PIK3CA: variants seen among roughly 807,000 people sequenced by gnomAD.
The protein encoded by PIK3CA is phosphatidylinositol 4,5-bisphosphate 3-kinase catalytic subunit alpha isoform.
A neutral mutation model predicts 138.2 loss-of-function variants in PIK3CA; 27 were observed. The observed-to-expected ratio is 0.20, with a 90% CI of 0.14 to 0.27. PIK3CA has a LOEUF of 0.27. PIK3CA is among the 10% of genes least tolerant of loss of function. The pLI is 1.00. For synonymous variants in PIK3CA, 358 were observed against 413.2 expected (o/e 0.87, Z 1.62); for missense variants, 544 against 1,277.4 (o/e 0.43, Z 8.75).
chr3:179,201,485 A>C lies in PIK3CA; in HGVS notation c.758A>C (p.Lys253Thr). ...VLEYQGKYIL[K>T]VCGCDEYFLE... The stretch of plus-strand genomic sequence containing the variant: ...GAATATCAGGGCAAGTATATTTTAA[A>C]AGTGTGTGGATGTGATGAATACTTC... The change falls in exon 4 of 21, where the codon AAA (lysine) becomes ACA (threonine). Residue 253 changes from lysine (K) to threonine (T), a missense_variant. Physicochemically the swap from Lys to Thr is moderately conservative, Grantham distance 78. Coordinates refer to ENST00000263967, the MANE Select transcript of PIK3CA (RefSeq NM_006218.4). 6.2e-7 allele frequency: 1 copy of C among 1,611,778 alleles called. No individual in the cohort carries two copies. Among genetic ancestry groups the C allele is most frequent in the Non-Finnish European group, 8.5e-7 (1 of 1,177,936 alleles).
At chr3:179,150,202 T>TGTGTGTGTG (rs202133178) in intron 1 of PIK3CA, among the ~76,000 whole-genome samples, 3 of 148,074 alleles carry the variant, frequency 2.0e-5, no homozygotes, top group African/African-American at 5.0e-5. Flanking sequence ...TGTGTGTGTG[T>TGTGTGTGTG]TGGTATTTTG....
At chr3:179,209,524 G>T in intron 6 of PIK3CA, 71 bp from the exon 7 acceptor site, 2 of 805,484 alleles carry the variant, frequency 2.5e-6, no homozygotes, top group African/African-American at 1.8e-5. Context: ...TTCGTGATTT[G>T]TAGGAGTCAT....
chr3:179,154,417 C>CTTA (rs36041707), intron 1 of PIK3CA, among the ~76,000 whole-genome samples: 12,985 of 152,162 alleles, frequency 0.085, 591 homozygotes, highest in African/African-American at 0.11. Flanking sequence ...TAATGAGAAT[C>CTTA]TAATGCCTGA....
chr3:179,225,847 C>A, intron 16 of PIK3CA, 115 bp from the exon 17 acceptor site: 1 of 561,956 alleles, frequency 1.8e-6, no homozygotes, highest in Non-Finnish European at 3.3e-6. Flanking sequence ...CCTGAAGTTT[C>A]TTTTGAAGAG....
intron 15 of PIK3CA, 64 bp from the exon 16 acceptor site, chr3:179,224,636 T>TCC (rs1725042106): frequency 2.1e-5 from 23 of 1,100,492 alleles, no homozygotes; most frequent in Non-Finnish European, 2.8e-5. Context: ...TATTTTAAAA[T>TCC]AAATTTCAGG....
At chr3:179,224,041 A>C (rs866006614) in intron 14 of PIK3CA, 40 bp from the exon 15 acceptor site, 4 of 1,078,294 alleles carry the variant, frequency 3.7e-6, no homozygotes, top group Middle Eastern at 4.0e-4. Flanking sequence ...TCTTTTATTA[A>C]GTCAGTTTCT....
chr3:179,203,465 G>A lies in PIK3CA; in HGVS notation c.814-79G>A, dbSNP rs551773021. ...TTTTATCACCTTTGCAGATTAATAT[G>A]TAGTCATAATACTCTGACATGTTAC... On this transcript the variant is annotated intron_variant, in intron 4 of 20. Coordinates refer to ENST00000263967, the MANE Select transcript of PIK3CA (RefSeq NM_006218.4). 6.0e-6 allele frequency: 8 copies of A among 1,341,996 alleles called. No homozygotes were observed. The African/African-American group carries it at 7.3e-5, about 12-fold the overall frequency. The allele number at this position is 1,341,996 out of a possible 1,614,324, so 83.1% of individuals were successfully genotyped here. A position where few individuals can be genotyped will look rare whatever the true frequency, so the allele number is the denominator to read the frequency against.
Position 179,210,521 on chromosome 3 carries a change from T to A in PIK3CA, c.1495T>A (p.Ser499Thr), listed in dbSNP as rs2108401589. 1 of 1,614,044 alleles carries A rather than the reference T, an allele frequency of 6.2e-7. No individual in the cohort carries two copies. The highest frequency in any genetic ancestry group is 8.5e-7 in the Non-Finnish European group (1 of 1,179,940). ...AGTGATTGAAGAGCATGCCAATTGG[T>A]CTGTATCCCGAGAAGCAGGATTTAG... Reference protein sequence around the residue: ...MSVIEEHANWSVSREAGFSYS... With the variant: ...MSVIEEHANWTVSREAGFSYS... The change falls in exon 9 of 21, where the codon TCT (serine) becomes ACT (threonine). Residue 499 changes from serine to threonine, a missense_variant. Ser to Thr is a moderately conservative substitution (Grantham distance 58). Coordinates refer to ENST00000263967, the MANE Select transcript of PIK3CA (RefSeq NM_006218.4).
At chr3:179,187,553 A>G (rs1164576594) in intron 1 of PIK3CA, among the ~76,000 whole-genome samples, 75 of 151,044 alleles carry the variant, frequency 5.0e-4, no homozygotes, top group Non-Finnish European at 2.5e-4. Context: ...AAAAAAAAAA[A>G]AAAAGAGAGA....
chr3:179,208,447 A>T (rs1170872160), intron 6 of PIK3CA, among the ~76,000 whole-genome samples: 1 of 152,202 alleles, frequency 6.6e-6, no homozygotes, highest in Non-Finnish European at 1.5e-5. Flanking sequence ...GATAGTTATC[A>T]ACCTTATGAG....
intron 1 of PIK3CA, among the ~76,000 whole-genome samples, chr3:179,167,893 G>A (rs906919121): frequency 2.0e-5 from 3 of 151,326 alleles, no homozygotes; most frequent in Admixed American, 1.3e-4. Flanking sequence ...TTTTTCTATT[G>A]TGAAAACCAT....
chr3:179,203,864 T>C, intron 5 of PIK3CA, 75 bp downstream of exon 5: 1 of 1,010,982 alleles, frequency 9.9e-7, no homozygotes, highest in East Asian at 2.4e-5. Flanking sequence ...TATACAGTAA[T>C]CTGTTGACCT....
chr3:179,154,550 G>C (rs913191964), intron 1 of PIK3CA, among the ~76,000 whole-genome samples: 2 of 152,124 alleles, frequency 1.3e-5, no homozygotes, highest in Non-Finnish European at 2.9e-5. Flanking sequence ...ACTGGCCTAA[G>C]GGACTAAATT....
At chr3:179,195,366 T>C (rs1346086083) in intron 1 of PIK3CA, among the ~76,000 whole-genome samples, 1 of 152,224 alleles carries the variant, frequency 6.6e-6, no homozygotes, top group Non-Finnish European at 1.5e-5. Context: ...TTTACAAGTT[T>C]ATTGCTAATG....
At chr3:179,207,967 T>TATAA (rs1724612460) in intron 6 of PIK3CA, among the ~76,000 whole-genome samples, 1 of 152,276 alleles carries the variant, frequency 6.6e-6, no homozygotes, top group Middle Eastern at 3.4e-3. Flanking sequence ...AGAGGATCAC[T>TATAA]TGAGCCCAGG....
intron 1 of PIK3CA, among the ~76,000 whole-genome samples, chr3:179,169,605 T>C (rs188087286): frequency 2.6e-4 from 39 of 152,348 alleles, no homozygotes; most frequent in African/African-American, 9.4e-4. Flanking sequence ...TTTTTCCCTA[T>C]ACAAAATTGC....
At position 179,164,819 on chromosome 3, in the gene PIK3CA, A is replaced by G. The variant is rs1181284978; in HGVS notation, c.-77+16216A>G. ...AGGAGGCGGAGGTAGCAGTGAGCCA[A>G]GATTGCGCCATTGTACTCCAGCCTG... is the stretch of plus-strand genomic sequence containing the variant. On this transcript the variant is annotated intron_variant, in intron 1 of 20. Coordinates refer to ENST00000263967, the MANE Select transcript of PIK3CA (RefSeq NM_006218.4). 2.0e-5 allele frequency among the ~76,000 whole-genome samples: 3 copies of G among 152,236 alleles called. No homozygotes were observed. In the South Asian group the frequency reaches 6.2e-4, roughly 32 times the overall value.
At chr3:179,151,682 G>A (rs1723017434) in intron 1 of PIK3CA, among the ~76,000 whole-genome samples, 1 of 152,108 alleles carries the variant, frequency 6.6e-6, no homozygotes, top group Admixed American at 6.6e-5. Context: ...TCTTTCTCTA[G>A]GTTTATTTCT....
At chr3:179,192,022 T>C (rs1724149532) in intron 1 of PIK3CA, among the ~76,000 whole-genome samples, 1 of 152,246 alleles carries the variant, frequency 6.6e-6, no homozygotes, top group Non-Finnish European at 1.5e-5. Flanking sequence ...CTGCATATTT[T>C]AAAGTAGTTA....
Sources: allele counts gnomAD v4.1 joint callset (sites outside exome capture counted in the v4.1 genomes callset), GRCh38; gene constraint gnomAD v4.1.1; transcripts MANE v1.5; gene names NCBI Gene and HGNC (gene_info 2026-07-23, HGNC 2026-07-21).